UBE2E2: variants seen among roughly 807,000 people sequenced by gnomAD.
UBE2E2 encodes ubiquitin-conjugating enzyme E2 E2.
UBE2E2 carries 6 observed loss-of-function variants against 24.7 expected under a neutral mutation model. The observed-to-expected ratio is 0.24, with a 90% CI of 0.13 to 0.48. UBE2E2 has a LOEUF of 0.48. UBE2E2 is among the 20% of genes least tolerant of loss of function. The probability of loss-of-function intolerance (pLI) is 0.99; values close to 1 mark genes in which losing one functional copy is unlikely to be tolerated. For synonymous variants in UBE2E2, 104 were observed against 83.6 expected (o/e 1.24, Z -1.33); for missense variants, 169 against 245.0 (o/e 0.69, Z 2.07).
intron 3 of UBE2E2, among the ~76,000 whole-genome samples, chr3:23,247,429 A>C (rs1367934533): frequency 6.7e-6 from 1 of 149,678 alleles, no homozygotes; most frequent in Non-Finnish European, 1.5e-5. Flanking sequence ...ATCTCGGCTC[A>C]CCAGAACCTC....
intron 3 of UBE2E2, among the ~76,000 whole-genome samples, chr3:23,419,096 G>A (rs1469146586): frequency 6.6e-6 from 1 of 151,770 alleles, no homozygotes; most frequent in African/African-American, 2.4e-5. Context: ...TAAGACTATA[G>A]GTGTGTACTA....
intron 3 of UBE2E2, among the ~76,000 whole-genome samples, chr3:23,452,632 T>G (rs980723513): frequency 6.6e-6 from 1 of 152,210 alleles, no homozygotes; most frequent in Non-Finnish European, 1.5e-5. Flanking sequence ...AGGTGATAAC[T>G]GTTACCCAAA....
At chr3:23,415,217 G>A (rs1466708775) in intron 3 of UBE2E2, among the ~76,000 whole-genome samples, 1 of 152,200 alleles carries the variant, frequency 6.6e-6, no homozygotes, top group Non-Finnish European at 1.5e-5. Context: ...ATTAGATGCA[G>A]GTAAAAACAC....
intron 3 of UBE2E2, among the ~76,000 whole-genome samples, chr3:23,248,174 C>T (rs1169983736): frequency 6.6e-6 from 1 of 152,184 alleles, no homozygotes; most frequent in Non-Finnish European, 1.5e-5. Context: ...TGATGTACTT[C>T]AGCTTCACAC....
At chr3:23,538,816 A>C (rs1695323032) in intron 5 of UBE2E2, among the ~76,000 whole-genome samples, 2 of 152,154 alleles carry the variant, frequency 1.3e-5, no homozygotes, top group Non-Finnish European at 2.9e-5. Context: ...CTTGACCCCT[A>C]CATATTTGTA....
At chr3:23,237,836 T>C (rs1303873304) in intron 3 of UBE2E2, among the ~76,000 whole-genome samples, 1 of 152,186 alleles carries the variant, frequency 6.6e-6, no homozygotes. Context: ...AAATATGCTT[T>C]ACAATGCAAT....
At chr3:23,348,915 G>A (rs796261235) in intron 3 of UBE2E2, among the ~76,000 whole-genome samples, 8 of 152,228 alleles carry the variant, frequency 5.3e-5, no homozygotes, top group African/African-American at 1.9e-4. Flanking sequence ...AAGCCAAAGG[G>A]CAGTTTTTAT....
chr3:23,251,807 C>CA (rs539690104), intron 3 of UBE2E2, among the ~76,000 whole-genome samples: 20 of 152,096 alleles, frequency 1.3e-4, no homozygotes, highest in South Asian at 1.2e-3. Context: ...CCAACTCTTC[C>CA]AAAAAACATG....
Position 23,402,074 on chromosome 3 carries a change from A to T in UBE2E2, c.228-97534A>T, listed in dbSNP as rs13063183. Among the ~76,000 whole-genome samples, 7 of 151,718 alleles carry T rather than the reference A, an allele frequency of 4.6e-5. No homozygotes were observed. In the Middle Eastern group the frequency reaches 0.01, roughly 221 times the overall value. Reference sequence around the variant, plus strand: ...GTTTCACCATGTTGGCCAGGCTGGTATAGAACTCCTGACAGGTGATCCACC... The same window carrying T: ...GTTTCACCATGTTGGCCAGGCTGGTTTAGAACTCCTGACAGGTGATCCACC... On this transcript the variant is annotated intron_variant, in intron 3 of 5. Coordinates refer to ENST00000396703, the MANE Select transcript of UBE2E2 (RefSeq NM_152653.4).
intron 3 of UBE2E2, among the ~76,000 whole-genome samples, chr3:23,255,618 C>G (rs1256781794): frequency 6.6e-6 from 1 of 152,122 alleles, no homozygotes; most frequent in African/African-American, 2.4e-5. Flanking sequence ...TGACACTGAT[C>G]TAGGTGGGAA....
chr3:23,526,439 C>T lies in UBE2E2; in HGVS notation c.361-6115C>T, dbSNP rs147999585. On this transcript the variant is annotated intron_variant, in intron 4 of 5. Transcript: ENST00000396703. ...ATAAGAGGTTATAACCCCTCAGAGA[C>T]CACGAGCCTGTGGTGTGTTAGCATT... Among the ~76,000 whole-genome samples the T allele has an allele frequency of 5.5e-4, 83 of 152,282 alleles. No homozygotes were observed. In the East Asian group the frequency reaches 9.3e-3, roughly 17 times the overall value.
At chr3:23,348,101 C>G (rs556169997) in intron 3 of UBE2E2, among the ~76,000 whole-genome samples, 1 of 152,024 alleles carries the variant, frequency 6.6e-6, no homozygotes, top group Non-Finnish European at 1.5e-5. Flanking sequence ...CATCGCAAGA[C>G]GACAATGGTA....
At chr3:23,253,515 CTG>C (rs1314941543) in intron 3 of UBE2E2, among the ~76,000 whole-genome samples, 1 of 152,176 alleles carries the variant, frequency 6.6e-6, no homozygotes. Flanking sequence ...TGCTACTGGA[CTG>C]TGAAAGGTAT....
chr3:23,396,004 T>C (rs993464628), intron 3 of UBE2E2, among the ~76,000 whole-genome samples: 4 of 152,110 alleles, frequency 2.6e-5, no homozygotes, highest in African/African-American at 9.6e-5. Flanking sequence ...TTTTCTTACA[T>C]TGTTACTTTA....
intron 3 of UBE2E2, among the ~76,000 whole-genome samples, chr3:23,269,003 T>G (rs537963381): frequency 9.9e-5 from 15 of 151,856 alleles, no homozygotes; most frequent in Non-Finnish European, 1.8e-4. Flanking sequence ...TAGCCATATG[T>G]AGAAAGCTGA....
intron 3 of UBE2E2, among the ~76,000 whole-genome samples, chr3:23,496,147 A>G (rs74760830): frequency 9.3e-4 from 141 of 152,322 alleles, no homozygotes; most frequent in African/African-American, 3.3e-3. Flanking sequence ...CTGTAAATTC[A>G]TACAGTAGGA....
At chr3:23,355,381 T>C (rs1384632976) in intron 3 of UBE2E2, among the ~76,000 whole-genome samples, 2 of 151,904 alleles carry the variant, frequency 1.3e-5, no homozygotes, top group African/African-American at 4.8e-5. Flanking sequence ...ATAATAATAA[T>C]GAAAGACAAA....
Position 23,225,385 on chromosome 3 carries a change from G to A in UBE2E2, c.227+8073G>A, listed in dbSNP as rs149065169. Among the ~76,000 whole-genome samples the A allele has an allele frequency of 2.2e-4, 34 of 152,034 alleles. No individual in the cohort carries two copies. In the East Asian group the frequency reaches 6.2e-3, roughly 28 times the overall value. On this transcript the variant is annotated intron_variant, in intron 3 of 5. Transcript: ENST00000396703. Reference sequence around the variant, plus strand: ...AAACCATTGCCTAATCCAAGACCACGAAGATTTACATCTGTATTTTTTCCT... The same window carrying A: ...AAACCATTGCCTAATCCAAGACCACAAAGATTTACATCTGTATTTTTTCCT...
At chr3:23,500,450 C>A (rs182019244) in intron 4 of UBE2E2, among the ~76,000 whole-genome samples, 1 of 152,112 alleles carries the variant, frequency 6.6e-6, no homozygotes, top group African/African-American at 2.4e-5. Flanking sequence ...TTTCTACTGC[C>A]TATAAGTCGG....
Sources: allele counts gnomAD v4.1 joint callset (sites outside exome capture counted in the v4.1 genomes callset), GRCh38; gene constraint gnomAD v4.1.1; transcripts MANE v1.5; gene names NCBI Gene and HGNC (gene_info 2026-07-23, HGNC 2026-07-21).